Variants in ASTN2 observed in about 807,000 individuals in gnomAD.
ASTN2 encodes astrotactin-2.
A neutral mutation model predicts 139.8 loss-of-function variants in ASTN2; 54 were observed. The ratio of observed to expected loss-of-function variants is 0.39; its 90% CI spans 0.31 to 0.48. The LOEUF (loss-of-function observed/expected upper bound fraction) is 0.48, where lower values mean the gene tolerates loss of function less well. Among genes scored for constraint, ASTN2 ranks in the 20% least tolerant of loss-of-function variants. The pLI, the probability that ASTN2 is intolerant of heterozygous loss-of-function variation, is 0.95. For missense variants in ASTN2, 1,565 were observed against 1,725.1 expected, an observed-to-expected ratio of 0.91 and a Z score of 1.64; for synonymous variants, 756 against 719.5, an observed-to-expected ratio of 1.05 and a Z score of -0.81.
At chr9:117,290,983 T>G (rs928321311) in intron 2 of ASTN2, among the ~76,000 whole-genome samples, 1 of 152,188 alleles carries the variant, frequency 6.6e-6, no homozygotes, top group African/African-American at 2.4e-5. Context: ...AATGGCCAGT[T>G]GTATTCTGAA....
chr9:117,167,350 T>C (rs890297699), intron 3 of ASTN2, among the ~76,000 whole-genome samples: 26 of 152,134 alleles, frequency 1.7e-4, no homozygotes, highest in Non-Finnish European at 1.6e-4. Context: ...TTCTGAGTCA[T>C]CTACAGTTAA....
At chr9:117,197,537 G>A (rs1444636676) in intron 3 of ASTN2, 2 of 152,190 alleles carry the variant, frequency 1.3e-5, no homozygotes, top group Non-Finnish European at 2.9e-5. Context: ...ATATGTGGAT[G>A]AGATAACCCC....
intron 20 of ASTN2, among the ~76,000 whole-genome samples, chr9:116,469,311 T>TC (rs1217435152): frequency 6.6e-6 from 1 of 152,138 alleles, no homozygotes; most frequent in Non-Finnish European, 1.5e-5. Flanking sequence ...AAGTGGTTTT[T>TC]TTTTTCCATA....
At chr9:117,141,567 CTT>C in intron 3 of ASTN2, 89 bp from the exon 4 acceptor site, 1 of 1,212,208 alleles carries the variant, frequency 8.2e-7, no homozygotes, top group African/African-American at 1.6e-5. Context: ...TTGAGCCCAC[CTT>C]CAGCCCCTAG....
intron 5 of ASTN2, among the ~76,000 whole-genome samples, chr9:117,046,754 A>T (rs1217668957): frequency 6.6e-6 from 1 of 152,180 alleles, no homozygotes; most frequent in Non-Finnish European, 1.5e-5. Flanking sequence ...TGTATGCCAG[A>T]CCTCATATTT....
chr9:117,074,193 C>T (rs763386794), intron 5 of ASTN2, among the ~76,000 whole-genome samples: 1 of 152,114 alleles, frequency 6.6e-6, no homozygotes, highest in South Asian at 2.1e-4. Flanking sequence ...AACATGATTC[C>T]GAGCACTAGC....
chr9:116,797,644 C>T (rs1025867758), intron 13 of ASTN2, among the ~76,000 whole-genome samples: 3 of 152,186 alleles, frequency 2.0e-5, no homozygotes, highest in African/African-American at 4.8e-5. Context: ...AAATCAGAAG[C>T]TAATGCCTCC....
chr9:117,382,077 T>G (rs1430392653), intron 1 of ASTN2, among the ~76,000 whole-genome samples: 1 of 152,172 alleles, frequency 6.6e-6, no homozygotes, highest in Non-Finnish European at 1.5e-5. Context: ...GTTTTTGTCC[T>G]CAGAATAATG....
At chr9:117,125,866 G>A (rs73657660) in intron 4 of ASTN2, among the ~76,000 whole-genome samples, 1,587 of 151,770 alleles carry the variant, frequency 0.01, 30 homozygotes, top group Middle Eastern at 0.069. Context: ...TTAATGAGGC[G>A]AGGGGTTTGT....
rs143781355 is a variant in ASTN2, at chr9:117,345,086, A to T, written c.443-53573T>A. Among the ~76,000 whole-genome samples, 4 of 152,180 alleles carry T rather than the reference A, an allele frequency of 2.6e-5. No individual in the cohort carries two copies. In the East Asian group the frequency reaches 7.8e-4, roughly 29 times the overall value. ...GGGTCCATGGAGATAAAAGAGCCCAACTTGGAGCTGTGTTTTCTGCAGCAC... is the reference window on the plus strand; with the variant it reads ...GGGTCCATGGAGATAAAAGAGCCCATCTTGGAGCTGTGTTTTCTGCAGCAC... On this transcript the variant is annotated intron_variant, in intron 1 of 22. Transcript: ENST00000313400.
At chr9:117,321,179 G>A (rs917073540) in intron 1 of ASTN2, among the ~76,000 whole-genome samples, 1 of 152,214 alleles carries the variant, frequency 6.6e-6, no homozygotes, top group Non-Finnish European at 1.5e-5. Flanking sequence ...TTTGAACAGT[G>A]GCTGTCATAC....
intron 1 of ASTN2, among the ~76,000 whole-genome samples, chr9:117,297,626 T>C (rs997153569): frequency 6.6e-6 from 1 of 152,154 alleles, no homozygotes; most frequent in Non-Finnish European, 1.5e-5. Context: ...AACGAAGTAC[T>C]CCCACATTGA....
chr9:116,902,547 G>A (rs977175413), intron 10 of ASTN2, among the ~76,000 whole-genome samples: 1 of 151,766 alleles, frequency 6.6e-6, no homozygotes, highest in African/African-American at 2.4e-5. Context: ...TGCTGTATAG[G>A]TTTATAGCCC....
intron 6 of ASTN2, among the ~76,000 whole-genome samples, chr9:117,029,910 G>T (rs1838199037): frequency 6.6e-6 from 1 of 151,970 alleles, no homozygotes; most frequent in Non-Finnish European, 1.5e-5. Flanking sequence ...GTGAGGAAAA[G>T]TCACAACATT....
intron 1 of ASTN2, among the ~76,000 whole-genome samples, chr9:117,406,264 C>T (rs913249358): frequency 6.6e-6 from 1 of 152,210 alleles, no homozygotes; most frequent in Non-Finnish European, 1.5e-5. Flanking sequence ...CATTACTTTT[C>T]ATCAGTAGAG....
At chr9:117,251,292 T>G (rs959078012) in intron 2 of ASTN2, among the ~76,000 whole-genome samples, 2 of 152,058 alleles carry the variant, frequency 1.3e-5, no homozygotes, top group African/African-American at 4.8e-5. Flanking sequence ...ATGCTATTTT[T>G]TTTTTTTAGG....
At chr9:116,809,499 G>A (rs1831110746) in intron 12 of ASTN2, among the ~76,000 whole-genome samples, 1 of 152,006 alleles carries the variant, frequency 6.6e-6, no homozygotes, top group African/African-American at 2.4e-5. Context: ...TTTGGATATA[G>A]TAATAAAGTA....
chr9:116,855,131 G>A (rs1399693784), intron 11 of ASTN2, among the ~76,000 whole-genome samples: 1 of 151,968 alleles, frequency 6.6e-6, no homozygotes, highest in Non-Finnish European at 1.5e-5. Context: ...ATAAAATAAG[G>A]GGAAAAATAG....
At position 117,114,001 on chromosome 9, in the gene ASTN2, T is replaced by C. The variant is rs569752642; in HGVS notation, c.1169-17850A>G. ...GATTTCTTGTAAACAAGTTATACTT[T>C]AATAAAGATCATTTTTAAGTTGCAT... On this transcript the variant is annotated intron_variant, in intron 4 of 22. Transcript: ENST00000313400. 2.0e-5 allele frequency among the ~76,000 whole-genome samples: 3 copies of C among 152,216 alleles called. No homozygotes were observed. In the South Asian group the frequency reaches 6.2e-4, roughly 32 times the overall value.
Sources: gnomAD v4.1 joint callset for allele counts (sites outside exome capture counted in the v4.1 genomes callset) on GRCh38, gnomAD v4.1.1 for gene constraint, MANE v1.5 for transcripts, NCBI Gene and HGNC (gene_info 2026-07-23, HGNC 2026-07-21) for gene names.